Variants in TMEM129 observed in about 807,000 individuals in gnomAD.
The protein encoded by TMEM129 is transmembrane protein 129, E3 ubiquitin ligase.
In TMEM129, 35 loss-of-function variants were observed where a neutral mutation model predicts 34.1. That is an observed-to-expected ratio of 1.03 (90% CI 0.78 to 1.36). The LOEUF is 1.36. Ranked by LOEUF, TMEM129 falls within the 40% of genes most tolerant of loss-of-function variation. The probability of loss-of-function intolerance (pLI) is 0.00; values close to 1 mark genes in which losing one functional copy is unlikely to be tolerated. For missense variants in TMEM129, 504 were observed against 512.6 expected, an observed-to-expected ratio of 0.98 and a Z score of 0.16; for synonymous variants, 239 against 217.3, an observed-to-expected ratio of 1.10 and a Z score of -0.88.
In TMEM129 at chr4:1,716,253, T is replaced by TG; in HGVS notation, c.*926_*927insC. ...GCCGCAGGTATGAAGGCCCCTCCAG[T>TG]AGCCACACCTGTGTCAGGGCTGTGC... is the stretch of plus-strand genomic sequence containing the variant. On this transcript the variant is annotated 3_prime_UTR_variant, in exon 4 of 4. Transcript: ENST00000382936. 6.6e-6 allele frequency: 1 copy of TG among 152,266 alleles called. No homozygotes were observed. The highest frequency in any genetic ancestry group is 2.4e-5 in the African/African-American group (1 of 41,458). The allele number at this position is 152,266 out of a possible 1,614,324, so 9.4% of individuals were successfully genotyped here. A position where few individuals can be genotyped will look rare whatever the true frequency, so the allele number is the denominator to read the frequency against.
In TMEM129 at chr4:1,720,886, G is replaced by A. The variant is rs1456445942; in HGVS notation, c.-49C>T. On this transcript the variant is annotated 5_prime_UTR_variant, in exon 1 of 4. Coordinates refer to ENST00000382936, the MANE Select transcript of TMEM129 (RefSeq NM_001127266.2). The surrounding 1 kb of genome is among the most constrained non-coding windows in gnomAD (Gnocchi z 4.4). ...GAGCTAGGCCCCCGCCCCGGCGCGC[G>A]GACGAGGCCGCAGCGCCCAGTCCCG... 6.6e-7 allele frequency: 1 copy of A among 1,525,560 alleles called. No individual in the cohort carries two copies. The highest frequency in any genetic ancestry group is 1.2e-5 in the South Asian group (1 of 81,676). 94.5% of individuals were successfully genotyped at this position (1,525,560 alleles called of 1,614,324 possible). A position where few individuals can be genotyped will look rare whatever the true frequency, so the allele number is the denominator to read the frequency against.
chr4:1,718,503 A>G lies in TMEM129; in HGVS notation c.329T>C (p.Leu110Pro). The stretch of plus-strand genomic sequence containing the variant: ...CCGGTCACGGGACCAGTAGTAGATC[A>G]GGATGCAGGCGATGGAGGGGAGGGT... Reference protein sequence around the residue: ...AVTLPSIACILIYYWSRDRWA... With the variant: ...AVTLPSIACIPIYYWSRDRWA... The change falls in exon 2 of 4, where the codon CTG becomes CCG. Residue 110 changes from leucine to proline, a missense_variant. Leu to Pro is a moderately conservative substitution (Grantham distance 98). Coordinates refer to ENST00000382936, the MANE Select transcript of TMEM129 (RefSeq NM_001127266.2). The G allele has an allele frequency of 6.5e-7, 1 of 1,539,218 alleles. No homozygotes were observed. Among genetic ancestry groups the G allele is most frequent in the East Asian group, 2.5e-5 (1 of 40,746 alleles).
rs1444606628 is a variant in TMEM129, at chr4:1,717,135, T to C, written c.*45A>G. The C allele has an allele frequency of 6.4e-6, 9 of 1,401,652 alleles. No homozygotes were observed. Among genetic ancestry groups the C allele is most frequent in the Non-Finnish European group, 8.4e-6 (9 of 1,077,744 alleles). 86.8% of individuals were successfully genotyped at this position (1,401,652 alleles called of 1,614,324 possible). On this transcript the variant is annotated 3_prime_UTR_variant, in exon 4 of 4. Transcript: ENST00000382936. ...CCCAGCCACCCCCTTCCCTGCCCTG[T>C]GGCTTTGGGGGGAGACACAGAGTCA...
chr4:1,717,602 T>C lies in TMEM129; in HGVS notation c.754A>G (p.Ile252Val), dbSNP rs950134337. 4 of 1,549,912 alleles carry C rather than the reference T, an allele frequency of 2.6e-6. No homozygotes were observed. The Admixed American group carries it at 5.9e-5, about 23-fold the overall frequency. ...AACAGGTCGCCCAGGCTCTGGTGGATGACCACATGGGCTGCCCTGCGGATG... is the reference window on the plus strand; with the variant it reads ...AACAGGTCGCCCAGGCTCTGGTGGACGACCACATGGGCTGCCCTGCGGATG... ...APIRRAAHVVIHQSLGDLFLE... is the reference protein window; with the variant it reads ...APIRRAAHVVVHQSLGDLFLE... The change falls in exon 3 of 4, where the codon ATC becomes GTC. Residue 252 changes from isoleucine (I) to valine (V), a missense_variant. Physicochemically the swap from Ile to Val is conservative, Grantham distance 29 (BLOSUM62 3). Coordinates refer to ENST00000382936, the MANE Select transcript of TMEM129 (RefSeq NM_001127266.2).
chr4:1,720,723 C>T lies in TMEM129; in HGVS notation c.115G>A (p.Gly39Ser). 1.9e-6 allele frequency: 3 copies of T among 1,564,260 alleles called. No individual in the cohort carries two copies. Among genetic ancestry groups the T allele is most frequent in the Non-Finnish European group, 2.6e-6 (3 of 1,156,040 alleles). Residue 39 changes from glycine to serine, a missense_variant, in exon 1 of 4, where the codon GGC (glycine) becomes AGC (serine). Gly to Ser is a moderately conservative substitution (Grantham distance 56, BLOSUM62 0). Transcript: ENST00000382936. The surrounding 1 kb of genome is among the most constrained non-coding windows in gnomAD (Gnocchi z 4.4). ...GCGGCGTCCTCGCTGCCCAGCCAGC[C>T]CGACAGCAGGTTCTGCACCGTGAGC... Reference protein sequence around the residue: ...AGLTVQNLLSGWLGSEDAAFV... With the variant: ...AGLTVQNLLSSWLGSEDAAFV...
chr4:1,717,921 T>C, intron 2 of TMEM129: 1 of 673,108 alleles, frequency 1.5e-6, no homozygotes, highest in Non-Finnish European at 2.4e-6. Context: ...CTGGGGGAGG[T>C]GGCTCCAGGG....
intron 1 of TMEM129, among the ~76,000 whole-genome samples, chr4:1,719,393 T>C (rs1373884939): frequency 4.6e-5 from 7 of 151,730 alleles, no homozygotes; most frequent in Non-Finnish European, 1.0e-4. Flanking sequence ...CACTAAAAAA[T>C]ACAAAAAATT....
chr4:1,719,418 G>GCC (rs1277684346), intron 1 of TMEM129, among the ~76,000 whole-genome samples: 1 of 152,176 alleles, frequency 6.6e-6, no homozygotes, highest in East Asian at 1.9e-4. Context: ...GGGCGTGGTG[G>GCC]CGGGCGCCTG....
At position 1,717,652 on chromosome 4, in the gene TMEM129, T is replaced by G. The variant is rs1259158542; in HGVS notation, c.704A>C (p.Glu235Ala). The change falls in exon 3 of 4, where the codon GAG becomes GCG. Residue 235 changes from glutamate to alanine, a missense_variant. Physicochemically the swap from Glu to Ala is moderately radical, Grantham distance 107. Coordinates refer to ENST00000382936, the MANE Select transcript of TMEM129 (RefSeq NM_001127266.2). ...DIWLNSTEYG[E>A]LCEKLRAPIR... ...GGGTGCCCGGAGCTTCTCGCAGAGC[T>G]CCCCGTACTCAGTGGAGTTCAGCCT... The G allele has an allele frequency of 1.3e-6, 2 of 1,533,984 alleles. No individual in the cohort carries two copies. Among genetic ancestry groups the G allele is most frequent in the African/African-American group, 1.4e-5 (1 of 72,654 alleles).
At position 1,720,919 on chromosome 4, in the gene TMEM129, C is replaced by T. The variant is rs900536532; in HGVS notation, c.-82G>A. The T allele has an allele frequency of 2.5e-5, 28 of 1,125,802 alleles. No individual in the cohort carries two copies. In the African/African-American group the frequency reaches 4.6e-4, roughly 18 times the overall value. The allele number at this position is 1,125,802 out of a possible 1,614,324, so 69.7% of individuals were successfully genotyped here. On this transcript the variant is annotated 5_prime_UTR_variant, in exon 1 of 4. Coordinates refer to ENST00000382936, the MANE Select transcript of TMEM129 (RefSeq NM_001127266.2). This position sits in a 1 kb window ranked among gnomAD's most constrained non-coding sequence, Gnocchi z 4.4. ...CCGCAGCGCCCAGTCCCGGACCTGT[C>T]GGTTGCGGCGGCCGCCGCCCGGCCG...
In TMEM129 at chr4:1,721,183, G is replaced by C. The variant is rs1717319447; in HGVS notation, c.-346C>G. On this transcript the variant is annotated 5_prime_UTR_variant, in exon 1 of 4. Coordinates refer to ENST00000382936, the MANE Select transcript of TMEM129 (RefSeq NM_001127266.2). ...TCTCTTCTCGGCCGGCCCTGGAGGC[G>C]GCACCGCACCTGTGCATTGAGCACA... The C allele has an allele frequency of 1.0e-5, 2 of 192,850 alleles. No homozygotes were observed. Among genetic ancestry groups the C allele is most frequent in the African/African-American group, 4.7e-5 (2 of 42,864 alleles). The allele number at this position is 192,850 out of a possible 1,614,324, so 11.9% of individuals were successfully genotyped here. A position where few individuals can be genotyped will look rare whatever the true frequency, so the allele number is the denominator to read the frequency against.
Position 1,720,482 on chromosome 4 carries a change from C to T in TMEM129, c.205+151G>A. On this transcript the variant is annotated intron_variant, in intron 1 of 3. Coordinates refer to ENST00000382936, the MANE Select transcript of TMEM129 (RefSeq NM_001127266.2). This position sits in a 1 kb window ranked among gnomAD's most constrained non-coding sequence, Gnocchi z 4.4. The stretch of plus-strand genomic sequence containing the variant: ...GGCGCCCCTAAGCGCGCTCAGCCCA[C>T]GCCGCGGTCCCTCTGGATGAGGACC... 3 of 1,059,690 alleles carry T rather than the reference C, an allele frequency of 2.8e-6. No individual in the cohort carries two copies. Among genetic ancestry groups the T allele is most frequent in the Non-Finnish European group, 3.9e-6 (3 of 766,670 alleles). 65.6% of individuals were successfully genotyped at this position (1,059,690 alleles called of 1,614,324 possible).
chr4:1,718,003 C>T (rs1408957917), intron 2 of TMEM129, 149 bp downstream of exon 2: 1 of 774,620 alleles, frequency 1.3e-6, no homozygotes, highest in Non-Finnish European at 2.0e-6. Flanking sequence ...TGACTGGTGT[C>T]TTGTGGACAC....
In TMEM129 at chr4:1,716,258, A is replaced by C. The variant is rs1716952955; in HGVS notation, c.*922T>G. ...AGGTATGAAGGCCCCTCCAGTAGCC[A>C]CACCTGTGTCAGGGCTGTGCCCTGG... On this transcript the variant is annotated 3_prime_UTR_variant, in exon 4 of 4. Transcript: ENST00000382936. 1 of 152,302 alleles carries C rather than the reference A, an allele frequency of 6.6e-6. No homozygotes were observed. Among genetic ancestry groups the C allele is most frequent in the Admixed American group, 6.5e-5 (1 of 15,284 alleles). The allele number at this position is 152,302 out of a possible 1,614,324, so 9.4% of individuals were successfully genotyped here.
chr4:1,719,180 G>T (rs1272614699), intron 1 of TMEM129: 2 of 593,664 alleles, frequency 3.4e-6, no homozygotes, highest in African/African-American at 1.9e-5. Context: ...GCACCAGCAG[G>T]TTCCAGTTGG....
At position 1,718,616 on chromosome 4, in the gene TMEM129, C is replaced by T. The variant is rs1369074334; in HGVS notation, c.216G>A (p.Val72=). Residue 72 remains valine, a synonymous_variant, in exon 2 of 4, where the codon GTG becomes GTA. Coordinates refer to ENST00000382936, the MANE Select transcript of TMEM129 (RefSeq NM_001127266.2). ...TTTCTGAAGCCGCAAGGCACATGCC[C>T]ACATAGTAGCCTGCAAAGGACAGGG... ...CHSLLPLGYY[V]GMCLAASEKR... The T allele has an allele frequency of 1.4e-6, 2 of 1,453,192 alleles. No individual in the cohort carries two copies. The highest frequency in any genetic ancestry group is 1.5e-5 in the South Asian group (1 of 68,260). The allele number at this position is 1,453,192 out of a possible 1,614,324, so 90.0% of individuals were successfully genotyped here. A position where few individuals can be genotyped will look rare whatever the true frequency, so the allele number is the denominator to read the frequency against.
chr4:1,720,452 C>T lies in TMEM129; in HGVS notation c.205+181G>A, dbSNP rs1419526300. On this transcript the variant is annotated intron_variant, in intron 1 of 3. Coordinates refer to ENST00000382936, the MANE Select transcript of TMEM129 (RefSeq NM_001127266.2). This position sits in a 1 kb window ranked among gnomAD's most constrained non-coding sequence, Gnocchi z 4.4. ...GGTTCCCGTCACCTGCAAGTCAGTG[C>T]CGGCGGCGCCCCTAAGCGCGCTCAG... Among the ~76,000 whole-genome samples the T allele has an allele frequency of 6.6e-6, 1 of 152,240 alleles. No homozygotes were observed. Among genetic ancestry groups the T allele is most frequent in the African/African-American group, 2.4e-5 (1 of 41,440 alleles).
In TMEM129 at chr4:1,721,272, C is replaced by G. The variant is rs1717327006; in HGVS notation, c.-435G>C. 1 of 153,382 alleles carries G rather than the reference C, an allele frequency of 6.5e-6. No homozygotes were observed. Among genetic ancestry groups the G allele is most frequent in the East Asian group, 2.0e-4 (1 of 5,114 alleles). The allele number at this position is 153,382 out of a possible 1,614,324, so 9.5% of individuals were successfully genotyped here. The stretch of plus-strand genomic sequence containing the variant: ...AAGCCCCGCCCAGTAGCGTCAGTTG[C>G]GGAACTCGAAATTCATGGGGCGACT... On this transcript the variant is annotated 5_prime_UTR_variant, in exon 1 of 4. Transcript: ENST00000382936.
intron 2 of TMEM129, 107 bp downstream of exon 2, chr4:1,718,045 T>TG: frequency 9.5e-7 from 1 of 1,057,162 alleles, no homozygotes. Flanking sequence ...CCAGGAGTGT[T>TG]GGAGTCCACA....
Sources: gnomAD v4.1 joint callset for allele counts (sites outside exome capture counted in the v4.1 genomes callset) on GRCh38, gnomAD v4.1.1 for gene constraint, Gnocchi (gnomAD v3.1) non-coding constraint, MANE v1.5 for transcripts, NCBI Gene and HGNC (gene_info 2026-07-23, HGNC 2026-07-21) for gene names.